PRKCE: variants seen among roughly 807,000 people sequenced by gnomAD.
The protein encoded by PRKCE is protein kinase C epsilon type.
A neutral mutation model predicts 85.4 loss-of-function variants in PRKCE; 16 were observed. The ratio of observed to expected loss-of-function variants is 0.19; its 90% confidence interval spans 0.13 to 0.28. PRKCE has a LOEUF of 0.28. Among genes scored for constraint, PRKCE ranks in the 10% least tolerant of loss-of-function variants. The pLI, the probability that PRKCE is intolerant of heterozygous loss-of-function variation, is 1.00. For synonymous variants in PRKCE, 388 were observed against 371.5 expected, an observed-to-expected ratio of 1.04 and a Z score of -0.51; for missense variants, 573 against 975.2, an observed-to-expected ratio of 0.59 and a Z score of 5.49.
chr2:45,833,166 AAG>A (rs1690577941), intron 1 of PRKCE, among the ~76,000 whole-genome samples: 1 of 152,044 alleles, frequency 6.6e-6, no homozygotes. Context: ...AAAGAAAAGA[AAG>A]AAAAAATAAC....
intron 10 of PRKCE, among the ~76,000 whole-genome samples, chr2:46,082,135 C>T (rs1319969496): frequency 6.6e-6 from 1 of 152,012 alleles, no homozygotes; most frequent in Non-Finnish European, 1.5e-5. Context: ...GGGTGGGTTA[C>T]AAGCAGATTT....
At chr2:46,166,035 C>A (rs777041216) in intron 14 of PRKCE, among the ~76,000 whole-genome samples, 11 of 152,204 alleles carry the variant, frequency 7.2e-5, no homozygotes, top group Non-Finnish European at 1.5e-4. Flanking sequence ...GACATAGAGG[C>A]CCCTCTCAAC....
At chr2:45,775,189 A>G (rs1049685441) in intron 1 of PRKCE, among the ~76,000 whole-genome samples, 17 of 152,172 alleles carry the variant, frequency 1.1e-4, no homozygotes, top group Non-Finnish European at 1.5e-5. Flanking sequence ...TAAGGAACTA[A>G]GGCTCTTGGA....
chr2:46,093,468 G>A (rs533810043), intron 11 of PRKCE, among the ~76,000 whole-genome samples: 30 of 148,906 alleles, frequency 2.0e-4, no homozygotes, highest in African/African-American at 5.5e-4. Context: ...CATTCAACTC[G>A]CAGCTGGGTC....
intron 1 of PRKCE, among the ~76,000 whole-genome samples, chr2:45,689,474 G>C (rs933161235): frequency 2.6e-5 from 4 of 151,710 alleles, no homozygotes; most frequent in Admixed American, 6.6e-5. Context: ...CTCTCCCCTT[G>C]TTAAAAATTG....
intron 2 of PRKCE, among the ~76,000 whole-genome samples, chr2:45,902,144 C>T (rs541421102): frequency 1.3e-5 from 2 of 152,254 alleles, no homozygotes; most frequent in South Asian, 4.1e-4. Flanking sequence ...GGAGTGTTTG[C>T]CCAGCCATGG....
At chr2:46,027,787 A>G (rs1707225086) in intron 10 of PRKCE, among the ~76,000 whole-genome samples, 1 of 152,198 alleles carries the variant, frequency 6.6e-6, no homozygotes, top group African/African-American at 2.4e-5. Flanking sequence ...GACTGGTCCC[A>G]TGGCCTATTT....
chr2:46,049,278 G>A (rs1708715427), intron 10 of PRKCE, among the ~76,000 whole-genome samples: 1 of 152,168 alleles, frequency 6.6e-6, no homozygotes, highest in African/African-American at 2.4e-5. Context: ...GTATTGCCGA[G>A]TGGGCTTACA....
chr2:46,007,539 T>G lies in PRKCE; in HGVS notation c.1141T>G (p.Ser381Ala), dbSNP rs757977090. Residue 381 changes from serine to alanine, a missense_variant, in exon 9 of 15, where the codon TCT becomes GCT. Ser to Ala is a moderately conservative substitution (Grantham distance 99). Around this residue, in one of 11 missense-constraint regions of PRKCE, gnomAD observed 117 missense variants for 104.8 expected, o/e 1.12. Coordinates refer to ENST00000306156, the MANE Select transcript of PRKCE (RefSeq NM_005400.3). ...NRGEEHRAASSPDGQLMSPGE... is the reference protein window; with the variant it reads ...NRGEEHRAASAPDGQLMSPGE... ...AGGAGAGGAGCACCGGGCAGCATCG[T>G]CTCCTGATGGCCAGCTGATGAGCCC... 1 of 1,599,756 alleles carries G rather than the reference T, an allele frequency of 6.3e-7. No individual in the cohort carries two copies. The highest frequency in any genetic ancestry group is 8.5e-7 in the Non-Finnish European group (1 of 1,179,958).
chr2:45,800,706 A>G (rs1687794238), intron 1 of PRKCE, among the ~76,000 whole-genome samples: 1 of 152,236 alleles, frequency 6.6e-6, no homozygotes, highest in Non-Finnish European at 1.5e-5. Flanking sequence ...TCAAGGCAGA[A>G]GAACAAAATA....
In PRKCE at chr2:45,736,755, C is replaced by T. The variant is rs117618343; in HGVS notation, c.348+84307C>T. Among the ~76,000 whole-genome samples, 5 of 152,328 alleles carry T rather than the reference C, an allele frequency of 3.3e-5. No individual in the cohort carries two copies. In the East Asian group the frequency reaches 9.6e-4, roughly 29 times the overall value. The stretch of plus-strand genomic sequence containing the variant: ...ATGTGCGCCTTCCTTGAGCATCCTC[C>T]AGTAGATGTGAAGGACATTTCTGTG... On this transcript the variant is annotated intron_variant, in intron 1 of 14. Transcript: ENST00000306156.
intron 1 of PRKCE, among the ~76,000 whole-genome samples, chr2:45,685,111 C>T (rs1037513165): frequency 6.6e-6 from 1 of 152,232 alleles, no homozygotes; most frequent in African/African-American, 2.4e-5. Flanking sequence ...AACCTAAACA[C>T]GGGCCAATGA....
chr2:45,971,349 T>C (rs1226700469), intron 2 of PRKCE, among the ~76,000 whole-genome samples: 2 of 152,252 alleles, frequency 1.3e-5, no homozygotes, highest in Non-Finnish European at 2.9e-5. Context: ...TTCCTTCTTT[T>C]CTGTGTCTGA....
At chr2:45,699,260 G>A (rs988995913) in intron 1 of PRKCE, among the ~76,000 whole-genome samples, 12 of 152,040 alleles carry the variant, frequency 7.9e-5, no homozygotes, top group Non-Finnish European at 1.5e-4. Context: ...CCTTTTGCAC[G>A]GACCTCTGCT....
intron 1 of PRKCE, among the ~76,000 whole-genome samples, chr2:45,827,048 G>T (rs1689997462): frequency 6.6e-6 from 1 of 152,152 alleles, no homozygotes; most frequent in Non-Finnish European, 1.5e-5. Flanking sequence ...TCTCTCCTCT[G>T]GCTTCCCATC....
rs529468475 is a variant in PRKCE, at chr2:46,091,301, C to A, written c.1592+4939C>A. On this transcript the variant is annotated intron_variant, in intron 11 of 14. Coordinates refer to ENST00000306156, the MANE Select transcript of PRKCE (RefSeq NM_005400.3). Reference sequence around the variant, plus strand: ...GGAGGTTTTTGAAGGGTGGGCTTTCCGTCCAAGGTTGATTCAGGGAAATTC... The same window carrying A: ...GGAGGTTTTTGAAGGGTGGGCTTTCAGTCCAAGGTTGATTCAGGGAAATTC... Among the ~76,000 whole-genome samples, 6 of 152,306 alleles carry A rather than the reference C, an allele frequency of 3.9e-5. No individual in the cohort carries two copies. The East Asian group carries it at 1.2e-3, about 29-fold the overall frequency.
chr2:45,840,597 C>T (rs763242490), intron 1 of PRKCE: 2 of 152,178 alleles, frequency 1.3e-5, no homozygotes, highest in African/African-American at 4.8e-5. Context: ...CAGGCCTGCT[C>T]GTGGCACTCC....
chr2:46,126,173 T>G (rs1451010654), intron 11 of PRKCE, among the ~76,000 whole-genome samples: 1 of 152,204 alleles, frequency 6.6e-6, no homozygotes, highest in Non-Finnish European at 1.5e-5. Flanking sequence ...TAGAAGCAGA[T>G]TCCATTCAAC....
At chr2:45,835,597 G>GTTT (rs34000335) in intron 1 of PRKCE, among the ~76,000 whole-genome samples, 2 of 143,740 alleles carry the variant, frequency 1.4e-5, no homozygotes, top group Admixed American at 6.9e-5. Context: ...TAGTATATTT[G>GTTT]TTTTTTTTTT....
Sources: allele counts gnomAD v4.1 joint callset (sites outside exome capture counted in the v4.1 genomes callset), GRCh38; gene constraint gnomAD v4.1.1; regional missense constraint gnomAD v4.1.1; transcripts MANE v1.5; gene names NCBI Gene and HGNC (gene_info 2026-07-23, HGNC 2026-07-21).